RAB22A: variants seen among roughly 807,000 people sequenced by gnomAD.
RAB22A encodes RAB22A, member RAS oncogene family.
A neutral mutation model predicts 30.2 loss-of-function variants in RAB22A; 13 were observed. The ratio of observed to expected loss-of-function variants is 0.43; its 90% CI spans 0.28 to 0.68. The LOEUF (loss-of-function observed/expected upper bound fraction) is 0.68, where lower values mean the gene tolerates loss of function less well. Ranked by LOEUF, RAB22A falls within the 30% of genes least tolerant of loss-of-function variation. RAB22A has a pLI of 0.18. For synonymous variants in RAB22A, 89 were observed against 87.2 expected (o/e 1.02, Z -0.11); for missense variants, 177 against 246.8 (o/e 0.72, Z 1.89).
Position 58,366,432 on chromosome 20 carries a change from C to T in RAB22A, c.*6729C>T, listed in dbSNP as rs951198541. On this transcript the variant is annotated 3_prime_UTR_variant, in exon 7 of 7. Transcript: ENST00000244040. Reference sequence around the variant, plus strand: ...ATTACAGTAGGGAGACTGCATTTAACAATAATTGATTGTATATTTGAAAAC... The same window carrying T: ...ATTACAGTAGGGAGACTGCATTTAATAATAATTGATTGTATATTTGAAAAC... 13 of 152,090 alleles carry T rather than the reference C, an allele frequency of 8.5e-5. No individual in the cohort carries two copies. The highest frequency in any genetic ancestry group is 3.1e-4 in the African/African-American group (13 of 41,414). The allele number at this position is 152,090 out of a possible 1,614,324, so 9.4% of individuals were successfully genotyped here.
intron 2 of RAB22A, among the ~76,000 whole-genome samples, chr20:58,334,039 A>T (rs185468813): frequency 0.017 from 2,514 of 151,590 alleles, 29 homozygotes; most frequent in Non-Finnish European, 0.02. Flanking sequence ...TTAAAAAAAA[A>T]TTTTTTTTTG....
chr20:58,309,952 G>C lies in RAB22A; in HGVS notation c.-25G>C, dbSNP rs1986186997. On this transcript the variant is annotated 5_prime_UTR_variant, in exon 1 of 7. Transcript: ENST00000244040. ...CCCTTCTCAACTTAGGGCGGCGGCG[G>C]GCCCGCGCCCCTGGCTCCCGGGCCA... is the stretch of plus-strand genomic sequence containing the variant. 4.0e-6 allele frequency: 5 copies of C among 1,264,816 alleles called. No homozygotes were observed. The highest frequency in any genetic ancestry group is 5.0e-6 in the Non-Finnish European group (5 of 997,536). The allele number at this position is 1,264,816 out of a possible 1,614,324, so 78.3% of individuals were successfully genotyped here.
intron 3 of RAB22A, among the ~76,000 whole-genome samples, chr20:58,347,096 T>C (rs1986962755): frequency 6.6e-6 from 1 of 152,242 alleles, no homozygotes; most frequent in Non-Finnish European, 1.5e-5. Context: ...TGTTGTTGTA[T>C]GTTTATTACT....
At chr20:58,334,385 A>G (rs1986710713) in intron 2 of RAB22A, among the ~76,000 whole-genome samples, 1 of 152,058 alleles carries the variant, frequency 6.6e-6, no homozygotes, top group South Asian at 2.1e-4. Context: ...TGCCGTCCAT[A>G]TTTGATCTAT....
At chr20:58,315,359 A>G (rs138960636) in intron 2 of RAB22A, among the ~76,000 whole-genome samples, 227 of 152,152 alleles carry the variant, frequency 1.5e-3, no homozygotes, top group African/African-American at 5.2e-3. Flanking sequence ...CTAGTCTCCT[A>G]CAGAACTCCG....
At chr20:58,343,535 T>C (rs1354562902) in intron 2 of RAB22A, among the ~76,000 whole-genome samples, 183 bp from the exon 3 acceptor site, 1 of 152,154 alleles carries the variant, frequency 6.6e-6, no homozygotes, top group Non-Finnish European at 1.5e-5. Context: ...TAATGCTTTA[T>C]TTTGACGGAG....
rs1333360213 is a variant in RAB22A at position 58,365,290 on chromosome 20, G to A, written c.*5587G>A. 2.0e-5 allele frequency: 3 copies of A among 152,134 alleles called. No individual in the cohort carries two copies. The East Asian group carries it at 5.8e-4, about 29-fold the overall frequency. The allele number at this position is 152,134 out of a possible 1,614,324, so 9.4% of individuals were successfully genotyped here. On this transcript the variant is annotated 3_prime_UTR_variant, in exon 7 of 7. Transcript: ENST00000244040. The stretch of plus-strand genomic sequence containing the variant: ...CTAACGTCATCTTGTAGAAGAGCTG[G>A]GCATACCTCTTCCTCTAGGCCAATT...
chr20:58,359,622 C>T lies in RAB22A; in HGVS notation c.504C>T (p.Ser168=). 1 of 1,609,696 alleles carries T rather than the reference C, an allele frequency of 6.2e-7. No individual in the cohort carries two copies. Among genetic ancestry groups the T allele is most frequent in the Non-Finnish European group, 8.5e-7 (1 of 1,176,558 alleles). Residue 168 remains serine, a synonymous_variant, in exon 7 of 7, where the codon TCC becomes TCT. Transcript: ENST00000244040. ...TTGGTTTAGGTCGAAGAATTCCATC[C>T]ACTGACGCCAACCTGCCATCTGGCG... is the stretch of plus-strand genomic sequence containing the variant. ...LFIEISRRIP[S]TDANLPSGGK... is the part of the protein sequence containing the mutation.
chr20:58,328,921 G>A (rs1568867193), intron 2 of RAB22A, among the ~76,000 whole-genome samples: 1 of 152,192 alleles, frequency 6.6e-6, no homozygotes, highest in Non-Finnish European at 1.5e-5. Context: ...ATTCCTTCCT[G>A]TAGAATTGAG....
At chr20:58,313,483 A>C (rs1179527949) in intron 2 of RAB22A, among the ~76,000 whole-genome samples, 1 of 151,824 alleles carries the variant, frequency 6.6e-6, no homozygotes, top group Non-Finnish European at 1.5e-5. Context: ...CAGGTTCCGA[A>C]TCCACCCCAC....
In RAB22A at chr20:58,366,492, AAAGAT is replaced by A. The variant is rs1987319677; in HGVS notation, c.*6793_*6797del. The A allele has an allele frequency of 6.6e-6, 1 of 152,212 alleles. No individual in the cohort carries two copies. Among genetic ancestry groups the A allele is most frequent in the Non-Finnish European group, 1.5e-5 (1 of 68,042 alleles). 9.4% of individuals were successfully genotyped at this position (152,212 alleles called of 1,614,324 possible). On this transcript the variant is annotated 3_prime_UTR_variant, in exon 7 of 7. Coordinates refer to ENST00000244040, the MANE Select transcript of RAB22A (RefSeq NM_020673.3). ...AATAAGAATATTCCCAACACAAAGAAAAGATAAGCGAGGTGAAGGAAATCCCAGTT... is the reference window on the plus strand; with the variant it reads ...AATAAGAATATTCCCAACACAAAGAAAAGCGAGGTGAAGGAAATCCCAGTT...
At chr20:58,343,092 C>T (rs567452277) in intron 2 of RAB22A, among the ~76,000 whole-genome samples, 1 of 152,222 alleles carries the variant, frequency 6.6e-6, no homozygotes, top group African/African-American at 2.4e-5. Context: ...CGATGAGGCC[C>T]CAAGGTGTGA....
intron 2 of RAB22A, among the ~76,000 whole-genome samples, chr20:58,333,072 A>G (rs569498749): frequency 6.6e-6 from 1 of 152,156 alleles, no homozygotes; most frequent in East Asian, 1.9e-4. Flanking sequence ...TGAGGTCAGG[A>G]GTTCAAGACC....
At chr20:58,313,096 GCT>G (rs1369136342) in intron 2 of RAB22A, among the ~76,000 whole-genome samples, 2 of 152,214 alleles carry the variant, frequency 1.3e-5, no homozygotes, top group Admixed American at 6.5e-5. Context: ...GGCTAGAAGT[GCT>G]CTCTCAAATA....
intron 2 of RAB22A, among the ~76,000 whole-genome samples, chr20:58,327,550 G>C (rs564141086): frequency 6.6e-6 from 1 of 152,326 alleles, no homozygotes; most frequent in African/African-American, 2.4e-5. Context: ...AATGATTCAA[G>C]AGAAAGAGCA....
intron 6 of RAB22A, among the ~76,000 whole-genome samples, chr20:58,355,322 G>T (rs895900551): frequency 6.6e-6 from 1 of 152,220 alleles, no homozygotes; most frequent in Non-Finnish European, 1.5e-5. Flanking sequence ...AGCTCCATCA[G>T]CTGGGGCCAC....
chr20:58,322,525 C>T (rs1986481302), intron 2 of RAB22A, among the ~76,000 whole-genome samples: 1 of 152,032 alleles, frequency 6.6e-6, no homozygotes, highest in Admixed American at 6.6e-5. Flanking sequence ...TTAAAACTAC[C>T]ATCTTGCTTT....
chr20:58,331,813 T>C (rs945533416), intron 2 of RAB22A, among the ~76,000 whole-genome samples: 3 of 152,164 alleles, frequency 2.0e-5, no homozygotes, highest in Non-Finnish European at 2.9e-5. Flanking sequence ...TCCTAGGTGA[T>C]TTCATTCACA....
intron 1 of RAB22A, 103 bp downstream of exon 1, chr20:58,310,115 G>C: frequency 9.3e-7 from 1 of 1,080,928 alleles, no homozygotes; most frequent in Non-Finnish European, 1.1e-6. Flanking sequence ...CCACGTCCAA[G>C]ACGCTGTCTG....
Sources: gnomAD v4.1 joint callset for allele counts (sites outside exome capture counted in the v4.1 genomes callset) on GRCh38, gnomAD v4.1.1 for gene constraint, MANE v1.5 for transcripts, NCBI Gene and HGNC (gene_info 2026-07-23, HGNC 2026-07-21) for gene names.